Variants in HPSE2 observed in about 807,000 individuals in gnomAD.
HPSE2 encodes inactive heparanase-2.
HPSE2 carries 38 observed loss-of-function variants against 60.5 expected under a neutral mutation model. That is an observed-to-expected ratio of 0.63 (90% CI 0.48 to 0.82). HPSE2 has a LOEUF of 0.82. Among genes scored for constraint, HPSE2 ranks in the 40% least tolerant of loss-of-function variants. HPSE2 has a pLI of 0.00. For synonymous variants in HPSE2, 295 were observed against 293.2 expected (o/e 1.01, Z -0.06); for missense variants, 713 against 740.4 (o/e 0.96, Z 0.43).
the HPSE2 span, among the ~76,000 whole-genome samples, chr10:99,247,357 C>A: frequency 3.3e-5 from 5 of 152,238 alleles, no homozygotes; most frequent in African/African-American, 1.2e-4. Context: ...AACCTAAGTT[C>A]ATTCCAGCTT....
At chr10:99,017,987 AAAGAGG>A (rs1957179966) in intron 3 of HPSE2, among the ~76,000 whole-genome samples, 1 of 152,152 alleles carries the variant, frequency 6.6e-6, no homozygotes, top group Non-Finnish European at 1.5e-5. Context: ...TAGTAATAAT[AAAGAGG>A]AAAAGTAAAA....
intron 9 of HPSE2, among the ~76,000 whole-genome samples, chr10:98,605,077 T>G (rs1271747161): frequency 2.0e-5 from 3 of 152,330 alleles, no homozygotes; most frequent in South Asian, 4.1e-4. Context: ...GACGTCTTGT[T>G]GCACAGTCTT....
chr10:98,930,305 G>A (rs1398694080), intron 3 of HPSE2, among the ~76,000 whole-genome samples: 1 of 143,832 alleles, frequency 7.0e-6, no homozygotes, highest in Non-Finnish European at 1.5e-5. Flanking sequence ...TTCCTGTAAA[G>A]GACATGATTT....
At chr10:98,945,509 T>C (rs138621311) in intron 3 of HPSE2, among the ~76,000 whole-genome samples, 1 of 152,248 alleles carries the variant, frequency 6.6e-6, no homozygotes, top group South Asian at 2.1e-4. Flanking sequence ...TTATGATCCA[T>C]CAACATAATG....
chr10:99,132,955 A>AGAC (rs1845503135), intron 3 of HPSE2, among the ~76,000 whole-genome samples: 3 of 152,056 alleles, frequency 2.0e-5, no homozygotes, highest in Admixed American at 6.6e-5. Context: ...AGAGGGTCCC[A>AGAC]CCCCCACAGA....
At chr10:99,214,607 C>G (rs1849057133) in intron 2 of HPSE2, among the ~76,000 whole-genome samples, 2 of 151,730 alleles carry the variant, frequency 1.3e-5, no homozygotes, top group Non-Finnish European at 1.5e-5. Flanking sequence ...TCTAATTAAG[C>G]TAAAGAGCAT....
rs140163335 is a variant in HPSE2, at chr10:98,983,378, C to T, written c.610+160860G>A. Among the ~76,000 whole-genome samples the T allele has an allele frequency of 2.5e-3, 377 of 152,202 alleles. 5 individuals carry two copies. The highest frequency in any genetic ancestry group is 1.1e-3 in the Non-Finnish European group (76 of 68,022). ...TCCGTAATCTCGTTTTGGTTGCTGT[C>T]GCTGCAGAAAACCCTGTTTCACAAA... On this transcript the variant is annotated intron_variant, in intron 3 of 11. Coordinates refer to ENST00000370552, the MANE Select transcript of HPSE2 (RefSeq NM_021828.5).
chr10:99,214,887 G>A (rs1445556623), intron 2 of HPSE2, among the ~76,000 whole-genome samples: 1 of 152,162 alleles, frequency 6.6e-6, no homozygotes, highest in African/African-American at 2.4e-5. Context: ...ACCACAATGA[G>A]ATACCATCTC....
chr10:99,227,869 A>ATGTGTG (rs34836739), intron 2 of HPSE2, among the ~76,000 whole-genome samples: 1 of 142,390 alleles, frequency 7.0e-6, no homozygotes, highest in African/African-American at 2.6e-5. Context: ...ATGTGTATAT[A>ATGTGTG]TGTGTGTGTG....
At position 99,116,027 on chromosome 10, in the gene HPSE2, A is replaced by G. The variant is rs531462267; in HGVS notation, c.610+28211T>C. 2.6e-5 allele frequency among the ~76,000 whole-genome samples: 4 copies of G among 152,312 alleles called. No homozygotes were observed. The East Asian group carries it at 7.7e-4, about 29-fold the overall frequency. On this transcript the variant is annotated intron_variant, in intron 3 of 11. Coordinates refer to ENST00000370552, the MANE Select transcript of HPSE2 (RefSeq NM_021828.5). Reference sequence around the variant, plus strand: ...CTTCATTTTAGGGTAATCAGAAAGAATTCTAATACCAACAAATGTTCATCT... The same window carrying G: ...CTTCATTTTAGGGTAATCAGAAAGAGTTCTAATACCAACAAATGTTCATCT...
intron 9 of HPSE2, among the ~76,000 whole-genome samples, chr10:98,538,151 T>G (rs915188851): frequency 6.6e-6 from 1 of 152,174 alleles, no homozygotes; most frequent in East Asian, 1.9e-4. Context: ...GCCCAGCTGT[T>G]TGGGGCCACT....
intron 9 of HPSE2, among the ~76,000 whole-genome samples, chr10:98,512,468 C>G (rs894589809): frequency 6.6e-6 from 1 of 151,872 alleles, no homozygotes; most frequent in African/African-American, 2.4e-5. Context: ...GCCTGTAGTC[C>G]CAGCTACTCG....
At chr10:98,652,337 T>G (rs1946940503) in intron 6 of HPSE2, among the ~76,000 whole-genome samples, 1 of 152,118 alleles carries the variant, frequency 6.6e-6, no homozygotes, top group Admixed American at 6.5e-5. Context: ...CCAAGCCAAC[T>G]CATCGTCTCT....
At chr10:98,852,114 T>TATAC (rs56176017) in intron 3 of HPSE2, among the ~76,000 whole-genome samples, 2 of 46,602 alleles carry the variant, frequency 4.3e-5, no homozygotes, top group Non-Finnish European at 8.7e-5. Context: ...TATATTATGA[T>TATAC]GTGTGTGTGT....
chr10:98,875,787 T>C (rs1952861625), intron 3 of HPSE2, among the ~76,000 whole-genome samples: 1 of 152,036 alleles, frequency 6.6e-6, no homozygotes, highest in Admixed American at 6.6e-5. Context: ...TTGCATCAAA[T>C]AAACACTTGG....
intron 3 of HPSE2, among the ~76,000 whole-genome samples, chr10:98,846,556 A>T (rs1952040262): frequency 1.3e-5 from 2 of 152,204 alleles, no homozygotes; most frequent in Admixed American, 1.3e-4. Context: ...TCTCTGGAAT[A>T]AATGATGCAC....
intron 3 of HPSE2, among the ~76,000 whole-genome samples, chr10:98,937,072 A>G (rs1395296049): frequency 1.4e-5 from 2 of 142,802 alleles, no homozygotes; most frequent in Non-Finnish European, 3.0e-5. Context: ...ATATACAATA[A>G]CGTTTTAAAA....
intron 3 of HPSE2, among the ~76,000 whole-genome samples, chr10:99,053,383 C>A (rs947005895): frequency 3.3e-5 from 5 of 151,734 alleles, no homozygotes; most frequent in Non-Finnish European, 5.9e-5. Flanking sequence ...AAAGTTATAG[C>A]TAAAAAGACA....
intron 3 of HPSE2, among the ~76,000 whole-genome samples, chr10:98,807,256 T>C (rs756586050): frequency 9.2e-5 from 14 of 152,240 alleles, no homozygotes; most frequent in Non-Finnish European, 1.8e-4. Context: ...TACATAAATA[T>C]ACCATTTTAA....
Sources: allele counts gnomAD v4.1 joint callset (sites outside exome capture counted in the v4.1 genomes callset), GRCh38; gene constraint gnomAD v4.1.1; transcripts MANE v1.5; gene names NCBI Gene and HGNC (gene_info 2026-07-23, HGNC 2026-07-21).